Variants in CEMIP2 observed in about 807,000 individuals in gnomAD.
CEMIP2 encodes cell surface hyaluronidase CEMIP2.
A neutral mutation model predicts 146.9 loss-of-function variants in CEMIP2; 79 were observed. The ratio of observed to expected loss-of-function variants is 0.54; its 90% CI spans 0.45 to 0.65. CEMIP2 has a LOEUF of 0.65. Ranked by LOEUF, CEMIP2 falls within the 30% of genes least tolerant of loss-of-function variation. The pLI is 0.00. For synonymous variants in CEMIP2, 601 were observed against 606.3 expected, an observed-to-expected ratio of 0.99 and a Z score of 0.13; for missense variants, 1,596 against 1,696.2, an observed-to-expected ratio of 0.94 and a Z score of 1.04.
intron 4 of CEMIP2, among the ~76,000 whole-genome samples, chr9:71,742,732 T>G (rs955394942): frequency 2.0e-5 from 3 of 152,322 alleles, no homozygotes; most frequent in Non-Finnish European, 2.9e-5. Context: ...AAAGTAGGTA[T>G]CTAACTTAGA....
chr9:71,695,038 T>C (rs1278150280), intron 20 of CEMIP2, among the ~76,000 whole-genome samples: 1 of 152,220 alleles, frequency 6.6e-6, no homozygotes, highest in Non-Finnish European at 1.5e-5. Flanking sequence ...ACTTTGAACA[T>C]GAGCAGGTCT....
intron 7 of CEMIP2, among the ~76,000 whole-genome samples, 179 bp downstream of exon 7, chr9:71,732,172 A>G (rs531458167): frequency 6.6e-6 from 1 of 152,306 alleles, no homozygotes; most frequent in South Asian, 2.1e-4. Context: ...GTCCAGGTCA[A>G]CTAACTGAAG....
chr9:71,729,968 A>G (rs1823565848), intron 9 of CEMIP2, 54 bp from the exon 10 acceptor site: 1 of 1,612,688 alleles, frequency 6.2e-7, no homozygotes, highest in South Asian at 1.1e-5. Context: ...ACTCCTGCCC[A>G]CTAAAAACTT....
chr9:71,761,060 A>C (rs1260932158), intron 1 of CEMIP2, among the ~76,000 whole-genome samples: 1 of 152,246 alleles, frequency 6.6e-6, no homozygotes, highest in African/African-American at 2.4e-5. Context: ...ACCTGCTGGC[A>C]GTGACGGATG....
intron 18 of CEMIP2, 197 bp downstream of exon 18, chr9:71,704,398 A>G: frequency 1.6e-6 from 1 of 609,366 alleles, no homozygotes; most frequent in South Asian, 2.0e-5. Context: ...AGAAAAAAAA[A>G]GCTTTTGAAA....
At chr9:71,716,351 GAA>G (rs5898225) in intron 14 of CEMIP2, among the ~76,000 whole-genome samples, 164 bp downstream of exon 14, 15 of 148,430 alleles carry the variant, frequency 1.0e-4, no homozygotes, top group South Asian at 2.1e-4. Flanking sequence ...AATTAATCCA[GAA>G]AAAAAAAAAT....
chr9:71,695,941 C>A (rs1822387923), intron 20 of CEMIP2, among the ~76,000 whole-genome samples: 3 of 152,094 alleles, frequency 2.0e-5, no homozygotes, highest in African/African-American at 7.2e-5. Flanking sequence ...CATAGTGAGA[C>A]CCCGCCTCTA....
chr9:71,692,297 ATTTTTTT>A (rs10683724), intron 21 of CEMIP2, among the ~76,000 whole-genome samples: 3 of 78,898 alleles, frequency 3.8e-5, no homozygotes, highest in African/African-American at 9.9e-5. Flanking sequence ...CCTGCCTGAT[ATTTTTTT>A]TTTTTTTTTT....
chr9:71,756,254 ATATGTATATATACACACG>A (rs970732459), intron 1 of CEMIP2, among the ~76,000 whole-genome samples: 5 of 133,280 alleles, frequency 3.8e-5, no homozygotes, highest in African/African-American at 1.3e-4. Context: ...ATATATATAT[ATATGTATATATACACACG>A]TATATGTATA....
At chr9:71,698,714 T>G (rs901489638) in intron 19 of CEMIP2, among the ~76,000 whole-genome samples, 4 of 152,240 alleles carry the variant, frequency 2.6e-5, no homozygotes, top group Non-Finnish European at 4.4e-5. Flanking sequence ...GAAGAGCAGA[T>G]GGACCTGGGT....
intron 6 of CEMIP2, 113 bp downstream of exon 6, chr9:71,734,693 T>C: frequency 2.2e-6 from 2 of 909,072 alleles, no homozygotes; most frequent in South Asian, 4.2e-5. Flanking sequence ...ATACTGATGA[T>C]TGTGATGGTG....
intron 1 of CEMIP2, among the ~76,000 whole-genome samples, chr9:71,763,169 T>C (rs1461837899): frequency 1.3e-5 from 2 of 152,166 alleles, no homozygotes; most frequent in African/African-American, 4.8e-5. Flanking sequence ...TCCTAAAATG[T>C]TAATAATTAA....
At chr9:71,727,421 A>G (rs761753094) in intron 10 of CEMIP2, among the ~76,000 whole-genome samples, 5 of 152,224 alleles carry the variant, frequency 3.3e-5, no homozygotes, top group Admixed American at 2.0e-4. Flanking sequence ...TGAAAAATCA[A>G]TGAATGAAAA....
rs1209577181 is a variant in CEMIP2 at position 71,732,370 on chromosome 9, G to A, written c.1544C>T (p.Thr515Ile). 1.2e-6 allele frequency: 2 copies of A among 1,612,052 alleles called. No individual in the cohort carries two copies. The highest frequency in any genetic ancestry group is 1.1e-5 in the South Asian group (1 of 90,540). The change falls in exon 7 of 24, where the codon ACC becomes ATC. Residue 515 changes from threonine to isoleucine, a missense_variant. Transcript: ENST00000377044. ...GCCTACCATAATGTGTCCCCCAAAG[G>A]TATCATAATCAAAAAATTGGCACTG... ...ENQCQFFDYD[T>I]FGGHIMIMKN... is the part of the protein sequence containing the mutation.
At chr9:71,752,508 A>C (rs77792700) in intron 1 of CEMIP2, among the ~76,000 whole-genome samples, 1,761 of 18,770 alleles carry the variant, frequency 0.094, 24 homozygotes, top group Middle Eastern at 0.19. Context: ...GGAAGGGGAA[A>C]GGGAAGGGGA....
intron 1 of CEMIP2, among the ~76,000 whole-genome samples, chr9:71,753,321 GC>G (rs1256884875): frequency 6.6e-6 from 1 of 152,156 alleles, no homozygotes; most frequent in Admixed American, 6.6e-5. Context: ...CTCCAGATGT[GC>G]CCACAATAAA....
At position 71,718,074 on chromosome 9, in the gene CEMIP2, C is replaced by A; in HGVS notation, c.2273G>T (p.Arg758Leu). 6.2e-7 allele frequency: 1 copy of A among 1,601,822 alleles called. No homozygotes were observed. The highest frequency in any genetic ancestry group is 1.1e-5 in the South Asian group (1 of 88,214). Residue 758 changes from arginine to leucine, a missense_variant, in exon 13 of 24, where the codon CGA becomes CTA. Physicochemically the swap from Arg to Leu is moderately radical, Grantham distance 102. Coordinates refer to ENST00000377044, the MANE Select transcript of CEMIP2 (RefSeq NM_013390.3). Reference sequence around the variant, plus strand: ...TTCGGGGTTTGCATCCTGATGAGGTCGAAATCTAGGGGTTAAAAAAAGAAT... The same window carrying A: ...TTCGGGGTTTGCATCCTGATGAGGTAGAAATCTAGGGGTTAAAAAAAGAAT... Reference protein sequence around the residue: ...YLCLDNSARFRPHQDANPEKP... With the variant: ...YLCLDNSARFLPHQDANPEKP...
chr9:71,735,785 AAAT>A (rs549785299), intron 5 of CEMIP2, among the ~76,000 whole-genome samples: 194 of 152,246 alleles, frequency 1.3e-3, no homozygotes, highest in Non-Finnish European at 2.4e-3. Flanking sequence ...CCTGTCTCAA[AAAT>A]AATACATAAA....
chr9:71,739,723 G>A (rs917333466), intron 5 of CEMIP2, among the ~76,000 whole-genome samples: 6 of 152,112 alleles, frequency 3.9e-5, no homozygotes, highest in Non-Finnish European at 7.4e-5. Flanking sequence ...AGCTTTGAAT[G>A]CAGCCCAACA....
Sources: gnomAD v4.1 joint callset for allele counts (sites outside exome capture counted in the v4.1 genomes callset) on GRCh38, gnomAD v4.1.1 for gene constraint, MANE v1.5 for transcripts, NCBI Gene and HGNC (gene_info 2026-07-23, HGNC 2026-07-21) for gene names.